PKNOX2: variants seen among roughly 807,000 people sequenced by gnomAD.
PKNOX2 encodes PBX/knotted 1 homeobox 2, also known as homeobox protein PKNOX2.
Under a neutral mutation model 53.1 loss-of-function variants are expected in PKNOX2, and 14 were observed. The observed-to-expected ratio is 0.26, with a 90% CI of 0.17 to 0.41. PKNOX2 has a LOEUF of 0.41. Among genes scored for constraint, PKNOX2 ranks in the 10% least tolerant of loss-of-function variants. PKNOX2 has a pLI of 1.00. For synonymous variants in PKNOX2, 257 were observed against 242.8 expected, an observed-to-expected ratio of 1.06 and a Z score of -0.54; for missense variants, 496 against 602.8, an observed-to-expected ratio of 0.82 and a Z score of 1.85.
At chr11:125,346,546 T>G (rs1192928479) in intron 3 of PKNOX2, among the ~76,000 whole-genome samples, 2 of 152,218 alleles carry the variant, frequency 1.3e-5, no homozygotes, top group East Asian at 3.9e-4. Context: ...AACTGAGAAC[T>G]GAGGGGTGGC....
At position 125,410,100 on chromosome 11, in the gene PKNOX2, G is replaced by A. The variant is rs150437349; in HGVS notation, c.589-96G>A. The A allele has an allele frequency of 7.2e-3, 10,603 of 1,477,574 alleles. 61 individuals carry two copies. Among genetic ancestry groups the A allele is most frequent in the Non-Finnish European group, 8.7e-3 (9,525 of 1,095,816 alleles). 91.5% of individuals were successfully genotyped at this position (1,477,574 alleles called of 1,614,324 possible). The stretch of plus-strand genomic sequence containing the variant: ...GGAGGAGCTAGAAGGAGGGAGGGGG[G>A]CAGGCAGGAAGGGGAAAGGACGGAA... On this transcript the variant is annotated intron_variant, in intron 7 of 12. Coordinates refer to ENST00000298282, the MANE Select transcript of PKNOX2 (RefSeq NM_001382323.2).
At chr11:125,305,463 C>T (rs1174770864) in intron 2 of PKNOX2, among the ~76,000 whole-genome samples, 1 of 152,176 alleles carries the variant, frequency 6.6e-6, no homozygotes, top group Non-Finnish European at 1.5e-5. Context: ...CACGCATACA[C>T]CCTCCAGCAC....
At chr11:125,390,180 G>T (rs545634005) in intron 6 of PKNOX2, among the ~76,000 whole-genome samples, 6 of 152,182 alleles carry the variant, frequency 3.9e-5, no homozygotes, top group African/African-American at 1.4e-4. Context: ...GCCGGGTACC[G>T]TTCCAACTGT....
At chr11:125,289,277 G>C (rs186661763) in intron 2 of PKNOX2, among the ~76,000 whole-genome samples, 14 of 152,336 alleles carry the variant, frequency 9.2e-5, no homozygotes, top group African/African-American at 3.1e-4. Flanking sequence ...ATGACTGACT[G>C]CATGCCACAT....
chr11:125,217,141 G>T (rs935920807), intron 1 of PKNOX2, among the ~76,000 whole-genome samples: 1 of 151,960 alleles, frequency 6.6e-6, no homozygotes, highest in Non-Finnish European at 1.5e-5. Context: ...ACAGGCATGT[G>T]CACACACGAC....
At chr11:125,411,458 GTCTTTCTCTC>G (rs1404045314) in intron 9 of PKNOX2, 61 of 321,564 alleles carry the variant, frequency 1.9e-4, no homozygotes, top group Middle Eastern at 1.9e-3. Flanking sequence ...TGTTTCCTCT[GTCTTTCTCTC>G]TCTCTCTCTC....
chr11:125,182,629 A>C (rs150983475), intron 1 of PKNOX2, among the ~76,000 whole-genome samples: 1 of 152,344 alleles, frequency 6.6e-6, no homozygotes, highest in Non-Finnish European at 1.5e-5. Context: ...CATCTGAGCC[A>C]TTACATTTAT....
At chr11:125,411,290 T>C (rs1038725841) in intron 9 of PKNOX2, 2 of 316,296 alleles carry the variant, frequency 6.3e-6, no homozygotes, top group Admixed American at 4.4e-5. Context: ...TAATAGCAAC[T>C]GCACACAGCC....
chr11:125,271,265 G>A (rs1565484690), intron 2 of PKNOX2, among the ~76,000 whole-genome samples: 1 of 152,162 alleles, frequency 6.6e-6, no homozygotes, highest in East Asian at 1.9e-4. Flanking sequence ...TACAAGTCCA[G>A]CTTGGCCATT....
At chr11:125,251,777 A>G (rs1740735632) in intron 2 of PKNOX2, among the ~76,000 whole-genome samples, 1 of 112,224 alleles carries the variant, frequency 8.9e-6, no homozygotes, top group African/African-American at 2.9e-5. Flanking sequence ...CTCATTATAT[A>G]TTATATAAAT....
intron 1 of PKNOX2, among the ~76,000 whole-genome samples, chr11:125,195,342 C>G (rs1054846552): frequency 7.9e-5 from 12 of 152,148 alleles, no homozygotes; most frequent in African/African-American, 2.9e-4. Context: ...TTTTCCTACC[C>G]TCAGTTCATA....
chr11:125,279,757 A>T (rs1946424843), intron 2 of PKNOX2, among the ~76,000 whole-genome samples: 1 of 152,214 alleles, frequency 6.6e-6, no homozygotes. Flanking sequence ...GGCCCCAATG[A>T]GCTGGCTCCT....
intron 7 of PKNOX2, among the ~76,000 whole-genome samples, chr11:125,408,026 C>T (rs1398381782): frequency 3.9e-5 from 6 of 152,180 alleles, no homozygotes; most frequent in Non-Finnish European, 8.8e-5. Context: ...TTGTTTTTAT[C>T]TGTTCACCTT....
chr11:125,174,319 G>T (rs1955542531), intron 1 of PKNOX2, among the ~76,000 whole-genome samples: 1 of 152,184 alleles, frequency 6.6e-6, no homozygotes, highest in Non-Finnish European at 1.5e-5. Flanking sequence ...ATGCTGTGGG[G>T]AACACTCAGT....
chr11:125,347,799 A>G lies in PKNOX2; in HGVS notation c.-22-3485A>G, dbSNP rs185003208. ...TAGATGTCATATCATAAAGGTTTTC[A>G]GCACTGAACAAAACAAAACAAAACA... On this transcript the variant is annotated intron_variant, in intron 3 of 12. Transcript: ENST00000298282. 1.2e-3 allele frequency among the ~76,000 whole-genome samples: 186 copies of G among 152,186 alleles called. 2 individuals carry two copies. Among genetic ancestry groups the G allele is most frequent in the African/African-American group, 4.4e-3 (181 of 41,436 alleles).
At chr11:125,315,194 C>T (rs1949080522) in intron 2 of PKNOX2, among the ~76,000 whole-genome samples, 1 of 151,856 alleles carries the variant, frequency 6.6e-6, no homozygotes, top group Non-Finnish European at 1.5e-5. Context: ...TTTTCTCCTC[C>T]CTAGTAGGAT....
At chr11:125,279,954 G>C (rs1228199124) in intron 2 of PKNOX2, among the ~76,000 whole-genome samples, 1 of 151,966 alleles carries the variant, frequency 6.6e-6, no homozygotes, top group Non-Finnish European at 1.5e-5. Flanking sequence ...AACTCAAGGA[G>C]ATTATGGGGG....
At chr11:125,408,026 C>A (rs1398381782) in intron 7 of PKNOX2, among the ~76,000 whole-genome samples, 1 of 152,180 alleles carries the variant, frequency 6.6e-6, no homozygotes, top group East Asian at 1.9e-4. Context: ...TTGTTTTTAT[C>A]TGTTCACCTT....
At chr11:125,283,589 C>T (rs1300230106) in intron 2 of PKNOX2, among the ~76,000 whole-genome samples, 1 of 152,170 alleles carries the variant, frequency 6.6e-6, no homozygotes, top group East Asian at 1.9e-4. Flanking sequence ...AGGGCCACAG[C>T]CTGTGTGTTT....
Sources: gnomAD v4.1 joint callset for allele counts (sites outside exome capture counted in the v4.1 genomes callset) on GRCh38, gnomAD v4.1.1 for gene constraint, MANE v1.5 for transcripts, NCBI Gene and HGNC (gene_info 2026-07-23, HGNC 2026-07-21) for gene names.